Variants in CAAP1 observed in about 807,000 individuals in gnomAD.
CAAP1 encodes caspase activity and apoptosis inhibitor 1.
Under a neutral mutation model 34.0 loss-of-function variants are expected in CAAP1, and 20 were observed. That is an observed-to-expected ratio of 0.59 (90% CI 0.41 to 0.86). The LOEUF is 0.86. CAAP1 is among the 40% of genes least tolerant of loss of function. The probability of loss-of-function intolerance (pLI) is 0.00; values close to 1 mark genes in which losing one functional copy is unlikely to be tolerated. For synonymous variants in CAAP1, 213 were observed against 166.7 expected, an observed-to-expected ratio of 1.28 and a Z score of -2.14; for missense variants, 538 against 450.5, an observed-to-expected ratio of 1.19 and a Z score of -1.76.
Position 26,861,260 on chromosome 9 carries a change from A to G in CAAP1, c.666-121T>C, listed in dbSNP as rs963383982. The G allele has an allele frequency of 1.2e-4, 81 of 672,240 alleles. 1 individual carries two copies. The highest frequency in any genetic ancestry group is 1.2e-3 in the South Asian group (62 of 52,106). The allele number at this position is 672,240 out of a possible 1,614,324, so 41.6% of individuals were successfully genotyped here. A position where few individuals can be genotyped will look rare whatever the true frequency, so the allele number is the denominator to read the frequency against. On this transcript the variant is annotated intron_variant, in intron 4 of 5. Transcript: ENST00000333916. The stretch of plus-strand genomic sequence containing the variant: ...ACAGGCTACATTCTTCTAAGCTCCC[A>G]GGGTATCATTCAGTGTACTCTGGAA...
At chr9:26,855,164 T>C (rs1290275537) in intron 5 of CAAP1, among the ~76,000 whole-genome samples, 5 of 152,130 alleles carry the variant, frequency 3.3e-5, no homozygotes, top group African/African-American at 9.7e-5. Context: ...TAAAACAAAA[T>C]GTGTTATCAA....
chr9:26,890,399 T>C (rs1179496903), intron 1 of CAAP1, among the ~76,000 whole-genome samples: 6 of 151,610 alleles, frequency 4.0e-5, no homozygotes, highest in African/African-American at 1.5e-4. Flanking sequence ...AGGAAACTAT[T>C]TAAAATAAGA....
intron 5 of CAAP1, among the ~76,000 whole-genome samples, chr9:26,843,359 G>A (rs753536449): frequency 2.6e-5 from 4 of 152,032 alleles, no homozygotes; most frequent in Admixed American, 1.3e-4. Context: ...CCTTGTTCTT[G>A]GCATTGAATA....
chr9:26,879,282 A>AT (rs562720523), intron 4 of CAAP1, among the ~76,000 whole-genome samples: 2 of 152,108 alleles, frequency 1.3e-5, no homozygotes, highest in African/African-American at 2.4e-5. Context: ...TTATGATGTC[A>AT]TTTTTTTCCA....
At chr9:26,865,266 T>G (rs941580292) in intron 4 of CAAP1, among the ~76,000 whole-genome samples, 4 of 152,228 alleles carry the variant, frequency 2.6e-5, no homozygotes, top group Non-Finnish European at 5.9e-5. Flanking sequence ...GGCTCATGCC[T>G]GTAATCCCAG....
At chr9:26,856,477 C>T (rs950983784) in intron 5 of CAAP1, among the ~76,000 whole-genome samples, 1 of 152,078 alleles carries the variant, frequency 6.6e-6, no homozygotes, top group Non-Finnish European at 1.5e-5. Context: ...AGTTATTAAC[C>T]ATTCTTCCTA....
intron 5 of CAAP1, among the ~76,000 whole-genome samples, chr9:26,844,134 G>C (rs1245020388): frequency 6.6e-6 from 1 of 152,104 alleles, no homozygotes; most frequent in Non-Finnish European, 1.5e-5. Flanking sequence ...GAGGTGGGCA[G>C]ATCACCTGGG....
chr9:26,854,029 G>C (rs1052524145), intron 5 of CAAP1, among the ~76,000 whole-genome samples: 5 of 152,132 alleles, frequency 3.3e-5, no homozygotes, highest in Non-Finnish European at 7.4e-5. Context: ...AGGGCACAGA[G>C]AAACCAATGA....
At chr9:26,887,604 T>A in intron 1 of CAAP1, 91 bp from the exon 2 acceptor site, 1 of 775,392 alleles carries the variant, frequency 1.3e-6, no homozygotes. Flanking sequence ...TTTAATAAAT[T>A]CTTCTTCATC....
intron 4 of CAAP1, among the ~76,000 whole-genome samples, chr9:26,878,871 C>T (rs570426839): frequency 6.6e-6 from 1 of 152,180 alleles, no homozygotes; most frequent in East Asian, 1.9e-4. Context: ...CAATAAGTAC[C>T]TATCCAGCCC....
At chr9:26,844,719 T>A (rs576214170) in intron 5 of CAAP1, among the ~76,000 whole-genome samples, 2 of 152,360 alleles carry the variant, frequency 1.3e-5, no homozygotes, top group South Asian at 4.1e-4. Context: ...TTTGTGATCA[T>A]GTCAGTATCC....
At chr9:26,858,776 T>C (rs1822935881) in intron 5 of CAAP1, among the ~76,000 whole-genome samples, 2 of 150,522 alleles carry the variant, frequency 1.3e-5, no homozygotes, top group East Asian at 1.9e-4. Flanking sequence ...TGAGCTGATA[T>C]TGCACCACTG....
At chr9:26,854,585 TA>T (rs1186494674) in intron 5 of CAAP1, among the ~76,000 whole-genome samples, 4 of 152,138 alleles carry the variant, frequency 2.6e-5, no homozygotes, top group African/African-American at 7.2e-5. Flanking sequence ...GTCTGTGTAT[TA>T]AATATGAATA....
At chr9:26,876,079 G>C (rs1291554145) in intron 4 of CAAP1, among the ~76,000 whole-genome samples, 1 of 152,184 alleles carries the variant, frequency 6.6e-6, no homozygotes, top group Non-Finnish European at 1.5e-5. Flanking sequence ...TTAAGAACTA[G>C]AATGAAGTTG....
chr9:26,874,984 A>G (rs1823390471), intron 4 of CAAP1, among the ~76,000 whole-genome samples: 1 of 152,208 alleles, frequency 6.6e-6, no homozygotes, highest in African/African-American at 2.4e-5. Context: ...ATCTTAAAAT[A>G]TTTAATGTAA....
At chr9:26,877,048 G>A (rs1158048848) in intron 4 of CAAP1, among the ~76,000 whole-genome samples, 1 of 152,042 alleles carries the variant, frequency 6.6e-6, no homozygotes, top group Non-Finnish European at 1.5e-5. Flanking sequence ...CAGCTGCTTG[G>A]GAAGCTGAGG....
chr9:26,843,449 T>A (rs1207497176), intron 5 of CAAP1, among the ~76,000 whole-genome samples: 2 of 152,182 alleles, frequency 1.3e-5, no homozygotes, highest in African/African-American at 4.8e-5. Context: ...ATATTGAATA[T>A]GTTTTTTGTG....
chr9:26,847,637 G>T (rs542209732), intron 5 of CAAP1, among the ~76,000 whole-genome samples: 3 of 151,846 alleles, frequency 2.0e-5, no homozygotes, highest in Non-Finnish European at 4.4e-5. Flanking sequence ...TCTACCCTTT[G>T]CCCATGTTTT....
At chr9:26,858,834 A>AAAG (rs1453827081) in intron 5 of CAAP1, among the ~76,000 whole-genome samples, 3 of 150,704 alleles carry the variant, frequency 2.0e-5, no homozygotes, top group Non-Finnish European at 4.4e-5. Context: ...AAAAAAAAAA[A>AAAG]AAAAGAAAAA....
Sources: allele counts gnomAD v4.1 joint callset (sites outside exome capture counted in the v4.1 genomes callset), GRCh38; gene constraint gnomAD v4.1.1; transcripts MANE v1.5; gene names NCBI Gene and HGNC (gene_info 2026-07-23, HGNC 2026-07-21).